ZNF81: variants seen among roughly 807,000 people sequenced by gnomAD.
ZNF81 encodes zinc finger protein 81.
In ZNF81, 5 loss-of-function variants were observed where a neutral mutation model predicts 32.3. The observed-to-expected ratio is 0.15, with a 90% CI of 0.08 to 0.33. ZNF81 has a LOEUF of 0.33. ZNF81 is among the 10% of genes least tolerant of loss of function. The pLI is 1.00. For missense variants in ZNF81, 379 were observed against 479.8 expected, an observed-to-expected ratio of 0.79 and a Z score of 1.96; for synonymous variants, 163 against 166.8, an observed-to-expected ratio of 0.98 and a Z score of 0.17.
In ZNF81 at chrX:47,895,895, G is replaced by A; in HGVS notation, c.232G>A (p.Gly78Arg). ...CATCTTCAAGTTGGAGCAAGGAGAG[G>A]GGCCATGGACATTGGAAGGGGAAGC... ...EVIFKLEQGE[G>R]PWTLEGEAPH... is the part of the protein sequence containing the mutation. Residue 78 changes from glycine to arginine, a missense_variant, in exon 4 of 5, where the codon GGG becomes AGG. Transcript: ENST00000338637. 12 of 1,211,041 alleles carry A rather than the reference G, an allele frequency of 9.9e-6. No individual in the cohort carries two copies. The highest frequency in any genetic ancestry group is 1.3e-5 in the Non-Finnish European group (12 of 894,942).
chrX:47,910,458 T>G, intron 4 of ZNF81, among the ~76,000 whole-genome samples: 1 of 111,462 alleles, frequency 9.0e-6, no homozygotes, highest in East Asian at 2.8e-4. Flanking sequence ...AAGAAGACAT[T>G]TATGCAGCCA....
chrX:47,858,426 G>A (rs2058526035), intron 2 of ZNF81, among the ~76,000 whole-genome samples: 1 of 111,740 alleles, frequency 8.9e-6, no homozygotes. Context: ...TCCAGAATTC[G>A]TCTCTGGCTG....
intron 3 of ZNF81, 103 bp downstream of exon 3, chrX:47,888,228 G>A (rs2058650067): frequency 9.4e-7 from 1 of 1,068,328 alleles, no homozygotes; most frequent in Non-Finnish European, 1.3e-6. Context: ...CCCCCAGAAT[G>A]TGACCTTATT....
At chrX:47,876,379 G>A (rs1014317468) in intron 2 of ZNF81, among the ~76,000 whole-genome samples, 1 of 112,179 alleles carries the variant, frequency 8.9e-6, no homozygotes, top group East Asian at 2.8e-4. Context: ...ATTCCCACAG[G>A]GGTGGCTCAG....
Position 47,924,157 on chromosome X carries a change from C to T in ZNF81, c.*7525C>T, listed in dbSNP as rs781844101. On this transcript the variant is annotated 3_prime_UTR_variant, in exon 5 of 5. Transcript: ENST00000338637. ...TCTAACTCCCCCTTCTAAACCTTCC[C>T]CAGCTACCTCTATAAATTGTGCATG... Among the ~76,000 whole-genome samples the T allele has an allele frequency of 2.4e-4, 27 of 112,033 alleles. No individual in the cohort carries two copies. Among genetic ancestry groups the T allele is most frequent in the African/African-American group, 8.8e-4 (27 of 30,810 alleles).
At chrX:47,850,033 A>G (rs1267585222) in intron 2 of ZNF81, among the ~76,000 whole-genome samples, 1 of 111,982 alleles carries the variant, frequency 8.9e-6, no homozygotes, top group Non-Finnish European at 1.9e-5. Flanking sequence ...TGAGAATGTA[A>G]ATTGACACAA....
chrX:47,844,696 A>G (rs956532722), intron 1 of ZNF81, among the ~76,000 whole-genome samples: 1 of 112,148 alleles, frequency 8.9e-6, no homozygotes, highest in South Asian at 3.7e-4. Context: ...ATAGATATCT[A>G]TGAGTGGAAT....
intron 2 of ZNF81, among the ~76,000 whole-genome samples, chrX:47,868,130 A>C (rs1460464548): frequency 9.0e-6 from 1 of 111,389 alleles, no homozygotes; most frequent in Admixed American, 9.6e-5. Flanking sequence ...TCTGTGGGTC[A>C]TTGCTTGCAT....
intron 3 of ZNF81, chrX:47,888,337 T>C (rs2058650416): frequency 1.7e-5 from 8 of 482,548 alleles, no homozygotes; most frequent in Non-Finnish European, 2.8e-5. Flanking sequence ...AGGAGAAAAC[T>C]GGACACAGAC....
At chrX:47,847,082 A>G (rs1556880601) in intron 2 of ZNF81, among the ~76,000 whole-genome samples, 1 of 112,324 alleles carries the variant, frequency 8.9e-6, no homozygotes, top group Non-Finnish European at 1.9e-5. Flanking sequence ...TCCTTTCTAT[A>G]TATTCAAACA....
chrX:47,850,891 G>GCGCACA (rs1405405827), intron 2 of ZNF81, among the ~76,000 whole-genome samples: 2 of 53,417 alleles, frequency 3.7e-5, no homozygotes, highest in African/African-American at 6.5e-5. Flanking sequence ...AGGCACGCGC[G>GCGCACA]CACACACACA....
chrX:47,907,370 A>C (rs953572383), intron 4 of ZNF81, among the ~76,000 whole-genome samples: 2 of 99,154 alleles, frequency 2.0e-5, no homozygotes, highest in Non-Finnish European at 4.1e-5. Flanking sequence ...AGGGACAAAA[A>C]GAATCATACA....
intron 2 of ZNF81, among the ~76,000 whole-genome samples, chrX:47,856,048 CAAAAAAAAAAA>C (rs61300154): frequency 6.2e-5 from 3 of 48,690 alleles, no homozygotes; most frequent in Admixed American, 2.3e-4. Context: ...GACTCTGCCT[CAAAAAAAAAAA>C]AAAAAAAAAA....
At chrX:47,905,303 C>T (rs1405813353) in intron 4 of ZNF81, among the ~76,000 whole-genome samples, 7 of 102,899 alleles carry the variant, frequency 6.8e-5, no homozygotes, top group East Asian at 3.0e-4. Flanking sequence ...CCCAGCTGCT[C>T]GAGAGGCTGA....
chrX:47,902,160 A>G (rs975654114), intron 4 of ZNF81, among the ~76,000 whole-genome samples: 1 of 111,417 alleles, frequency 9.0e-6, no homozygotes, highest in African/African-American at 3.3e-5. Flanking sequence ...TTTTTCATTA[A>G]TACTTCTGTA....
At chrX:47,856,146 A>T (rs5906494) in intron 2 of ZNF81, among the ~76,000 whole-genome samples, 47,113 of 108,868 alleles carry the variant, frequency 0.43, 7,822 homozygotes, top group East Asian at 0.62. Flanking sequence ...TTTCTTCAAA[A>T]ATGTTTTGAC....
At chrX:47,862,334 C>T (rs1569377471) in intron 2 of ZNF81, among the ~76,000 whole-genome samples, 1 of 109,298 alleles carries the variant, frequency 9.1e-6, no homozygotes, top group Admixed American at 9.8e-5. Context: ...GCCTGGCCAA[C>T]ATAGTGAAAC....
chrX:47,921,422 C>T lies in ZNF81; in HGVS notation c.*4790C>T, dbSNP rs1556891904. On this transcript the variant is annotated 3_prime_UTR_variant, in exon 5 of 5. Coordinates refer to ENST00000338637, the MANE Select transcript of ZNF81 (RefSeq NM_007137.5). ...GACCAGCCATCCCAGTTGAGATACC[C>T]TACACCAACCAGATTTTCAACTGCT... 3 of 109,928 alleles carry T rather than the reference C, an allele frequency of 2.7e-5. No individual in the cohort carries two copies. The highest frequency in any genetic ancestry group is 5.7e-5 in the Non-Finnish European group (3 of 52,704). The allele number at this position is 109,928 out of a possible 1,213,427, so 9.1% of individuals were successfully genotyped here.
At chrX:47,858,656 C>T (rs2058526758) in intron 2 of ZNF81, among the ~76,000 whole-genome samples, 1 of 111,760 alleles carries the variant, frequency 8.9e-6, no homozygotes, top group South Asian at 3.7e-4. Context: ...TATCCTTTTA[C>T]CATCATTCTG....
Sources: allele counts gnomAD v4.1 joint callset (sites outside exome capture counted in the v4.1 genomes callset), GRCh38; gene constraint gnomAD v4.1.1; transcripts MANE v1.5; gene names NCBI Gene and HGNC (gene_info 2026-07-23, HGNC 2026-07-21).